ATP11A: variants seen among roughly 807,000 people sequenced by gnomAD.
The protein encoded by ATP11A is ATPase phospholipid transporting 11A.
ATP11A carries 81 observed loss-of-function variants against 154.4 expected under a neutral mutation model. The ratio of observed to expected loss-of-function variants is 0.52; its 90% confidence interval spans 0.44 to 0.63. ATP11A has a LOEUF of 0.63. Among genes scored for constraint, ATP11A ranks in the 30% least tolerant of loss-of-function variants. The pLI is 0.00. For missense variants in ATP11A, 1,316 were observed against 1,474.3 expected (o/e 0.89, Z 1.76); for synonymous variants, 623 against 585.9 (o/e 1.06, Z -0.91).
chr13:112,854,923 C>T (rs879445507), intron 19 of ATP11A, among the ~76,000 whole-genome samples: 9 of 152,200 alleles, frequency 5.9e-5, no homozygotes, highest in South Asian at 2.1e-4. Flanking sequence ...CATGGTTGTT[C>T]GTCTAAGACG....
intron 25 of ATP11A, 76 bp downstream of exon 25, chr13:112,862,651 A>G: frequency 2.5e-6 from 4 of 1,595,652 alleles, no homozygotes; most frequent in Non-Finnish European, 3.4e-6. Context: ...TGATTTTGCC[A>G]AAGCAGAATT....
intron 1 of ATP11A, among the ~76,000 whole-genome samples, chr13:112,720,567 T>C (rs1350804709): frequency 6.6e-6 from 1 of 152,008 alleles, no homozygotes; most frequent in African/African-American, 2.4e-5. Flanking sequence ...GTTTTTTTTT[T>C]AATTTTTTTG....
chr13:112,772,312 C>T (rs1241551708), intron 1 of ATP11A, among the ~76,000 whole-genome samples: 2 of 152,132 alleles, frequency 1.3e-5, no homozygotes, highest in African/African-American at 2.4e-5. Flanking sequence ...AAGGTTCCAG[C>T]GGTGAGGGGT....
intron 16 of ATP11A, among the ~76,000 whole-genome samples, chr13:112,840,078 C>G (rs1342764576): frequency 2.0e-5 from 3 of 151,902 alleles, no homozygotes; most frequent in African/African-American, 7.3e-5. Context: ...GGGTCCAACT[C>G]CCAGCCTCAG....
intron 1 of ATP11A, among the ~76,000 whole-genome samples, chr13:112,776,093 G>A (rs2077342343): frequency 6.6e-6 from 1 of 152,224 alleles, no homozygotes; most frequent in Non-Finnish European, 1.5e-5. Flanking sequence ...CGGAGTCCGT[G>A]GCTGCTGCTG....
chr13:112,854,763 T>G (rs1390677443), intron 19 of ATP11A, among the ~76,000 whole-genome samples: 2 of 152,236 alleles, frequency 1.3e-5, no homozygotes, highest in Non-Finnish European at 2.9e-5. Context: ...TGTGTGTATG[T>G]TCAGTTTCAC....
chr13:112,761,065 C>G (rs892533456), intron 1 of ATP11A, among the ~76,000 whole-genome samples: 3 of 152,222 alleles, frequency 2.0e-5, no homozygotes, highest in African/African-American at 7.2e-5. Flanking sequence ...CTCCATCGCT[C>G]CAGGGACTGA....
chr13:112,854,002 C>T (rs148283029), intron 18 of ATP11A, among the ~76,000 whole-genome samples: 1 of 152,180 alleles, frequency 6.6e-6, no homozygotes, highest in Non-Finnish European at 1.5e-5. Flanking sequence ...CCAGGCTTGT[C>T]AGACGTCAGT....
In ATP11A at chr13:112,708,623, C is replaced by A. The variant is rs141895004; in HGVS notation, c.39+18168C>A. 6.6e-3 allele frequency among the ~76,000 whole-genome samples: 998 copies of A among 152,348 alleles called. 29 individuals are homozygous for A. The highest frequency in any genetic ancestry group is 3.2e-3 in the Non-Finnish European group (217 of 68,032). On this transcript the variant is annotated intron_variant, in intron 1 of 29. Transcript: ENST00000375645. Reference sequence around the variant, plus strand: ...TTAAAAAATGGGTTGATATTGATTTCTATCAACATGTCACCCTTGCAAACC... The same window carrying A: ...TTAAAAAATGGGTTGATATTGATTTATATCAACATGTCACCCTTGCAAACC...
At chr13:112,742,450 T>C (rs534781492) in intron 1 of ATP11A, among the ~76,000 whole-genome samples, 1 of 152,208 alleles carries the variant, frequency 6.6e-6, no homozygotes, top group Admixed American at 6.5e-5. Flanking sequence ...ACAGGTCGTG[T>C]GTGGGGGGAC....
intron 2 of ATP11A, among the ~76,000 whole-genome samples, chr13:112,787,740 G>T (rs1277259077): frequency 1.3e-5 from 2 of 150,588 alleles, no homozygotes; most frequent in African/African-American, 2.4e-5. Flanking sequence ...CGGGTGTCCT[G>T]ATGTGTAGAC....
chr13:112,711,430 GACCCT>G (rs1887736698), intron 1 of ATP11A, among the ~76,000 whole-genome samples: 2 of 151,868 alleles, frequency 1.3e-5, no homozygotes, highest in Non-Finnish European at 2.9e-5. Context: ...AACATAGCAA[GACCCT>G]GTCTCTGATA....
Position 112,831,541 on chromosome 13 carries a change from A to G in ATP11A, c.1388A>G (p.Asn463Ser). 6.2e-7 allele frequency: 1 copy of G among 1,614,004 alleles called. No homozygotes were observed. The highest frequency in any genetic ancestry group is 1.3e-5 in the African/African-American group (1 of 75,058). ...ATGATTGACTCGTCCCCCAGCGTCA[A>G]CGGGAGGGTAGGTGGCAGCCCCCAC... is the stretch of plus-strand genomic sequence containing the variant. ...IDMIDSSPSV[N>S]GREREELFFR... The change falls in exon 13 of 30, where the codon AAC (asparagine) becomes AGC (serine). Residue 463 changes from asparagine to serine, a missense_variant. Asn to Ser is a conservative substitution (Grantham distance 46, BLOSUM62 1). Around this residue, in one of 5 missense-constraint regions of ATP11A, gnomAD observed 876 missense variants for 1,006.8 expected, o/e 0.87. Coordinates refer to ENST00000375645, the MANE Select transcript of ATP11A (RefSeq NM_015205.3).
intron 1 of ATP11A, among the ~76,000 whole-genome samples, chr13:112,713,997 C>T (rs1427177221): frequency 7.9e-5 from 5 of 63,054 alleles, no homozygotes; most frequent in African/African-American, 1.2e-4. Flanking sequence ...GCCCCAGTCT[C>T]CCTTCCACTC....
rs182075958 is a variant in ATP11A at position 112,871,782 on chromosome 13, G to A, written c.3039G>A (p.Val1013=). The change falls in exon 26 of 30, where the codon GTG becomes GTA. Residue 1013 remains valine, a synonymous_variant. Transcript: ENST00000375645. ...GAACGCTGGTATTCACCGTGATGGT[G>A]TTCACAGTTACACTAAAGGTAAGTG... ...TFGTLVFTVM[V]FTVTLKLALD... 82 of 1,614,204 alleles carry A rather than the reference G, an allele frequency of 5.1e-5. 1 individual carries two copies. In the East Asian group the frequency reaches 1.8e-3, roughly 35 times the overall value.
chr13:112,835,263 G>C (rs150362371), intron 15 of ATP11A, among the ~76,000 whole-genome samples: 6 of 152,252 alleles, frequency 3.9e-5, no homozygotes, highest in Non-Finnish European at 8.8e-5. Context: ...ACTCAGGAGA[G>C]GGGGTGGTGG....
chr13:112,723,193 A>T lies in ATP11A; in HGVS notation c.39+32738A>T, dbSNP rs77259078. On this transcript the variant is annotated intron_variant, in intron 1 of 29. Coordinates refer to ENST00000375645, the MANE Select transcript of ATP11A (RefSeq NM_015205.3). The stretch of plus-strand genomic sequence containing the variant: ...CACAGAGTCTGGTTTTTTTTCTTCG[A>T]TCCTGTGAGCGTGGGTTGAGGTAAA... Among the ~76,000 whole-genome samples the T allele has an allele frequency of 6.3e-3, 950 of 150,534 alleles. 8 individuals carry two copies. The highest frequency in any genetic ancestry group is 0.022 in the African/African-American group (911 of 40,912).
chr13:112,710,965 C>CCACT (rs1749908069), intron 1 of ATP11A, among the ~76,000 whole-genome samples: 1 of 5,572 alleles, frequency 1.8e-4, no homozygotes, highest in Non-Finnish European at 8.4e-4. Flanking sequence ...CCACCCGGAG[C>CCACT]CACCCACCCA....
chr13:112,756,896 T>C (rs1156643580), intron 1 of ATP11A, among the ~76,000 whole-genome samples: 1 of 152,148 alleles, frequency 6.6e-6, no homozygotes, highest in Non-Finnish European at 1.5e-5. Context: ...CGGGGCCTGC[T>C]CCCAGCGCGG....
Sources: allele counts gnomAD v4.1 joint callset (sites outside exome capture counted in the v4.1 genomes callset), GRCh38; gene constraint gnomAD v4.1.1; regional missense constraint gnomAD v4.1.1; transcripts MANE v1.5; gene names NCBI Gene and HGNC (gene_info 2026-07-23, HGNC 2026-07-21).